OCIAD1: variants seen among roughly 807,000 people sequenced by gnomAD.
OCIAD1 encodes the protein OCIA domain containing 1, also known as OCIA domain-containing protein 1.
A neutral mutation model predicts 38.9 loss-of-function variants in OCIAD1; 29 were observed. The observed-to-expected ratio is 0.74, with a 90% CI of 0.55 to 1.02. The LOEUF (loss-of-function observed/expected upper bound fraction) is 1.02. OCIAD1 is among the 50% of genes least tolerant of loss of function. The pLI, the probability that OCIAD1 is intolerant of heterozygous loss-of-function variation, is 0.00. For synonymous variants in OCIAD1, 110 were observed against 92.0 expected, an observed-to-expected ratio of 1.20 and a Z score of -1.12; for missense variants, 288 against 289.6, an observed-to-expected ratio of 0.99 and a Z score of 0.04.
chr4:48,823,392 G>C (rs191975213), intron 1 of OCIAD1, among the ~76,000 whole-genome samples: 1 of 151,760 alleles, frequency 6.6e-6, no homozygotes, highest in African/African-American at 2.4e-5. Flanking sequence ...ACCTGTTGGT[G>C]GGGGGGTAGG....
chr4:48,847,562 G>A (rs1779076020), intron 4 of OCIAD1, among the ~76,000 whole-genome samples: 1 of 152,078 alleles, frequency 6.6e-6, no homozygotes, highest in Non-Finnish European at 1.5e-5. Context: ...AAATTTTTAA[G>A]CCATCTGGAT....
At chr4:48,839,840 T>C (rs997586333) in intron 3 of OCIAD1, among the ~76,000 whole-genome samples, 9 of 152,172 alleles carry the variant, frequency 5.9e-5, no homozygotes, top group African/African-American at 1.9e-4. Flanking sequence ...GATTTGCCTA[T>C]AGAGACAGAT....
upstream of OCIAD1, among the ~76,000 whole-genome samples, chr4:48,827,246 T>C (rs115742609): frequency 3.2e-3 from 486 of 152,386 alleles, 5 homozygotes; most frequent in African/African-American, 0.011. Flanking sequence ...AGAAGTTCAC[T>C]ACATTGATTT....
intron 3 of OCIAD1, among the ~76,000 whole-genome samples, chr4:48,838,273 G>A (rs1778187407): frequency 6.6e-6 from 1 of 150,960 alleles, no homozygotes; most frequent in African/African-American, 2.4e-5. Context: ...AGCCAAGATC[G>A]TGCCACTGCA....
chr4:48,806,129 C>T (rs1277862275), intron 1 of OCIAD1, among the ~76,000 whole-genome samples: 4 of 151,922 alleles, frequency 2.6e-5, no homozygotes, highest in Admixed American at 6.6e-5. Flanking sequence ...TAGCCATGCA[C>T]GGTGGCAGGC....
At chr4:48,853,036 C>T (rs764694562) in intron 7 of OCIAD1, among the ~76,000 whole-genome samples, 2 of 151,726 alleles carry the variant, frequency 1.3e-5, no homozygotes, top group Non-Finnish European at 2.9e-5. Flanking sequence ...CCCGCCACCA[C>T]GCTCGGCTAA....
At chr4:48,849,333 A>G (rs530770606) in intron 5 of OCIAD1, among the ~76,000 whole-genome samples, 3 of 152,206 alleles carry the variant, frequency 2.0e-5, no homozygotes, top group Non-Finnish European at 4.4e-5. Flanking sequence ...AAAGAAAAAG[A>G]AGCTACATTG....
chr4:48,831,303 C>T (rs1579044528), intron 1 of OCIAD1, 54 bp downstream of exon 1: 1 of 376,982 alleles, frequency 2.7e-6, no homozygotes, highest in South Asian at 1.9e-5. Context: ...ATCCCCTCAC[C>T]ACCTTTGCGG....
chr4:48,812,986 T>C (rs569128870), intron 1 of OCIAD1, among the ~76,000 whole-genome samples: 1 of 152,238 alleles, frequency 6.6e-6, no homozygotes, highest in South Asian at 2.1e-4. Context: ...ACCTCTCAAG[T>C]ACAGGGCTGG....
chr4:48,845,306 T>TGGAAC (rs1186777760), intron 4 of OCIAD1, among the ~76,000 whole-genome samples: 3 of 152,268 alleles, frequency 2.0e-5, no homozygotes, highest in Admixed American at 2.0e-4. Context: ...TACCATTTAT[T>TGGAAC]GGAACTTTTC....
chr4:48,833,538 G>T lies in OCIAD1; in HGVS notation c.139+57G>T, dbSNP rs531242238. 4 of 1,127,094 alleles carry T rather than the reference G, an allele frequency of 3.5e-6. No homozygotes were observed. The South Asian group carries it at 5.3e-5, about 15-fold the overall frequency. The allele number at this position is 1,127,094 out of a possible 1,614,324, so 69.8% of individuals were successfully genotyped here. A position where few individuals can be genotyped will look rare whatever the true frequency, so the allele number is the denominator to read the frequency against. ...ATCCAAAATTTGTACCTGAAATTTT[G>T]ACTTGAATTTGAACCTGAAATTATA... On this transcript the variant is annotated intron_variant, in intron 3 of 8. Transcript: ENST00000264312.
chr4:48,833,422 C>T lies in OCIAD1; in HGVS notation c.80C>T (p.Pro27Leu). The change falls in exon 3 of 9, where the codon CCA (proline) becomes CTA (leucine). Residue 27 changes from proline (P) to leucine (L), a missense_variant. Coordinates refer to ENST00000264312, the MANE Select transcript of OCIAD1 (RefSeq NM_017830.4). ...AAAGACATAGGGCCTGATTACATTC[C>T]AACAGAGGAAGAAAGGAGAGTCTTC... ...PIPHIGPDYI[P>L]TEEERRVFAE... 1 of 1,603,538 alleles carries T rather than the reference C, an allele frequency of 6.2e-7. No individual in the cohort carries two copies. The highest frequency in any genetic ancestry group is 8.5e-7 in the Non-Finnish European group (1 of 1,171,270).
At chr4:48,806,672 C>G (rs1325308715) in intron 1 of OCIAD1, among the ~76,000 whole-genome samples, 1 of 152,118 alleles carries the variant, frequency 6.6e-6, no homozygotes, top group Non-Finnish European at 1.5e-5. Context: ...GTGGAGCAAT[C>G]TTGGCTCATT....
intron 3 of OCIAD1, among the ~76,000 whole-genome samples, chr4:48,836,180 G>A (rs1324604121): frequency 6.6e-6 from 1 of 152,130 alleles, no homozygotes; most frequent in Non-Finnish European, 1.5e-5. Context: ...CAGTAACTTA[G>A]GCATATATAT....
chr4:48,818,539 C>A (rs538487480), intron 1 of OCIAD1, among the ~76,000 whole-genome samples: 17 of 152,316 alleles, frequency 1.1e-4, no homozygotes, highest in Middle Eastern at 3.4e-3. Flanking sequence ...CTCTACTCCT[C>A]TCCAGCAAGG....
Position 48,824,837 on chromosome 4 carries a change from G to C in OCIAD1, c.-102-5740G>C, listed in dbSNP as rs534808985. On this transcript the variant is annotated intron_variant, in intron 1 of 6. Transcript: ENST00000504654. ...TGCAGCCTTGATCTCCTGGGCTGAAGTGGTCCTCCCACCTCAGCCTCCCAA... is the reference window on the plus strand; with the variant it reads ...TGCAGCCTTGATCTCCTGGGCTGAACTGGTCCTCCCACCTCAGCCTCCCAA... Among the ~76,000 whole-genome samples the C allele has an allele frequency of 3.3e-5, 5 of 152,266 alleles. No homozygotes were observed. The South Asian group carries it at 1.0e-3, about 32-fold the overall frequency.
At chr4:48,854,407 A>G (rs1269329915) in intron 7 of OCIAD1, among the ~76,000 whole-genome samples, 1 of 152,178 alleles carries the variant, frequency 6.6e-6, no homozygotes, top group Non-Finnish European at 1.5e-5. Flanking sequence ...TGTTCCATGT[A>G]ATATTTTCAG....
At chr4:48,832,808 T>G (rs1777634333) in intron 2 of OCIAD1, 126 bp downstream of exon 2, 1 of 719,960 alleles carries the variant, frequency 1.4e-6, no homozygotes, top group South Asian at 1.6e-5. Context: ...CATACTTGGT[T>G]TCATGTTCTA....
intron 6 of OCIAD1, among the ~76,000 whole-genome samples, chr4:48,850,458 G>T (rs1438984684): frequency 6.6e-6 from 1 of 152,164 alleles, no homozygotes; most frequent in Non-Finnish European, 1.5e-5. Flanking sequence ...GGAGATGGGG[G>T]TCTCACTATG....
Sources: gnomAD v4.1 joint callset for allele counts (sites outside exome capture counted in the v4.1 genomes callset) on GRCh38, gnomAD v4.1.1 for gene constraint, MANE v1.5 for transcripts, NCBI Gene and HGNC (gene_info 2026-07-23, HGNC 2026-07-21) for gene names.